Variants in SLC17A1 observed in about 807,000 individuals in gnomAD.
SLC17A1 encodes the protein sodium-dependent phosphate transport protein 1.
SLC17A1 carries 51 observed loss-of-function variants against 53.5 expected under a neutral mutation model. That is an observed-to-expected ratio of 0.95 (90% CI 0.76 to 1.20). SLC17A1 has a LOEUF of 1.20. Among genes scored for constraint, SLC17A1 ranks in the 50% most tolerant of loss-of-function variants. The probability of loss-of-function intolerance (pLI) is 0.00; values close to 1 mark genes in which losing one functional copy is unlikely to be tolerated. For missense variants in SLC17A1, 538 were observed against 568.2 expected (o/e 0.95, Z 0.54); for synonymous variants, 179 against 198.8 (o/e 0.90, Z 0.84).
chr6:25,776,667 T>C, the SLC17A1 span: 1 of 1,613,940 alleles, frequency 6.2e-7, no homozygotes, highest in Admixed American at 1.7e-5. Context: ...ACTGGCAGAC[T>C]TTCTTCTCTC....
the SLC17A1 span, among the ~76,000 whole-genome samples, chr6:25,730,981 A>G: frequency 6.6e-6 from 1 of 152,246 alleles, no homozygotes. Context: ...TAGGGAAAAA[A>G]TACATTTCTG....
chr6:25,829,065 A>G (rs1232959375), intron 2 of SLC17A1, among the ~76,000 whole-genome samples: 1 of 152,180 alleles, frequency 6.6e-6, no homozygotes, highest in African/African-American at 2.4e-5. Flanking sequence ...CTAAGAGGAA[A>G]GATGAAATAT....
chr6:25,756,403 G>A, the SLC17A1 span, among the ~76,000 whole-genome samples: 10 of 152,130 alleles, frequency 6.6e-5, no homozygotes, highest in African/African-American at 2.4e-4. Flanking sequence ...GGTTAGACTA[G>A]GCAGAGTGCT....
intron 6 of SLC17A1, 63 bp from the exon 7 acceptor site, chr6:25,813,276 T>G: frequency 7.4e-7 from 1 of 1,358,416 alleles, no homozygotes; most frequent in Admixed American, 1.7e-5. Context: ...TTTCCCAGAA[T>G]GGCATTTTTC....
the SLC17A1 span, chr6:25,726,761 T>C: frequency 1.7e-6 from 2 of 1,161,270 alleles, no homozygotes; most frequent in South Asian, 3.1e-5. Flanking sequence ...TACCGCATCT[T>C]TCATCCTCCA....
At chr6:25,802,613 G>A (rs529504776) in intron 10 of SLC17A1, among the ~76,000 whole-genome samples, 65 of 152,182 alleles carry the variant, frequency 4.3e-4, no homozygotes, top group Admixed American at 7.2e-4. Context: ...AGTTCTTCAA[G>A]GAAAGTTTTT....
chr6:25,815,428 T>G (rs935426785), intron 6 of SLC17A1, among the ~76,000 whole-genome samples: 1 of 152,114 alleles, frequency 6.6e-6, no homozygotes, highest in Non-Finnish European at 1.5e-5. Context: ...GACCCCAGTT[T>G]TTTAAGAAAA....
chr6:25,782,558 A>G (rs1763289773), downstream of SLC17A1, among the ~76,000 whole-genome samples: 1 of 152,078 alleles, frequency 6.6e-6, no homozygotes, highest in African/African-American at 2.4e-5. Context: ...CTTTAATTGT[A>G]TTTGTTTTCT....
the SLC17A1 span, among the ~76,000 whole-genome samples, chr6:25,737,175 A>G: frequency 2.6e-5 from 4 of 152,222 alleles, no homozygotes. Flanking sequence ...TCTATAGGTG[A>G]CAAGATTTGC....
At chr6:25,748,147 A>G in the SLC17A1 span, among the ~76,000 whole-genome samples, 1 of 152,196 alleles carries the variant, frequency 6.6e-6, no homozygotes, top group African/African-American at 2.4e-5. Context: ...AATCAGTACT[A>G]TGTCTATGAC....
At chr6:25,770,702 T>C in the SLC17A1 span, among the ~76,000 whole-genome samples, 1 of 152,236 alleles carries the variant, frequency 6.6e-6, no homozygotes, top group Non-Finnish European at 1.5e-5. Flanking sequence ...AAAATAATTT[T>C]ATAAGTCAGC....
intron 12 of SLC17A1, among the ~76,000 whole-genome samples, chr6:25,792,750 T>C (rs1165156): frequency 0.38 from 58,165 of 151,932 alleles, 11,988 homozygotes; most frequent in East Asian, 0.7. Context: ...CCTTGTTTCT[T>C]CTCTTTCTGC....
intron 11 of SLC17A1, 62 bp from the exon 12 acceptor site, chr6:25,798,981 T>C (rs1315534618): frequency 4.1e-6 from 6 of 1,457,104 alleles, no homozygotes; most frequent in South Asian, 3.0e-5. Flanking sequence ...TTTTGTAATG[T>C]TTAAAATGTA....
At chr6:25,803,967 T>C (rs1028476295) in intron 10 of SLC17A1, among the ~76,000 whole-genome samples, 6 of 152,184 alleles carry the variant, frequency 3.9e-5, no homozygotes, top group African/African-American at 1.4e-4. Flanking sequence ...TGTGCTGATA[T>C]TGAAATTCAA....
intron 3 of SLC17A1, among the ~76,000 whole-genome samples, chr6:25,822,078 T>A (rs1764582854): frequency 6.6e-6 from 1 of 152,168 alleles, no homozygotes; most frequent in South Asian, 2.1e-4. Context: ...TAAAAAAGAA[T>A]AATGACACAA....
rs1328164650 is a variant in SLC17A1 at position 25,819,606 on chromosome 6, G to A, written c.442-8C>T. 1 of 1,613,688 alleles carries A rather than the reference G, an allele frequency of 6.2e-7. No individual in the cohort carries two copies. Among genetic ancestry groups the A allele is most frequent in the South Asian group, 1.1e-5 (1 of 91,052 alleles). On this transcript the variant is annotated splice_region_variant and splice_polypyrimidine_tract_variant and intron_variant, in intron 4 of 12. Coordinates refer to ENST00000244527, the MANE Select transcript of SLC17A1 (RefSeq NM_005074.5). Reference sequence around the variant, plus strand: ...GGCTGTTGCAACTATCCCCTGAAATGAGAAAGGTTTGACATTTAATCTCTA... The same window carrying A: ...GGCTGTTGCAACTATCCCCTGAAATAAGAAAGGTTTGACATTTAATCTCTA...
At chr6:25,768,764 A>G in the SLC17A1 span, among the ~76,000 whole-genome samples, 48,559 of 151,980 alleles carry the variant, frequency 0.32, 9,534 homozygotes, top group South Asian at 0.45. Flanking sequence ...GTTCTGACCA[A>G]CTCCACACAT....
At chr6:25,727,043 A>G in the SLC17A1 span, 411 of 1,614,136 alleles carry the variant, frequency 2.5e-4, no homozygotes, top group Non-Finnish European at 3.2e-4. Flanking sequence ...ACATCTACAA[A>G]GTGCTAAAGC....
the SLC17A1 span, among the ~76,000 whole-genome samples, chr6:25,740,533 T>C: frequency 4.6e-5 from 7 of 152,250 alleles, no homozygotes; most frequent in Admixed American, 2.0e-4. Context: ...CAATAAAATG[T>C]AAGTTGCAAA....
Sources: gnomAD v4.1 joint callset for allele counts (sites outside exome capture counted in the v4.1 genomes callset) on GRCh38, gnomAD v4.1.1 for gene constraint, MANE v1.5 for transcripts, NCBI Gene and HGNC (gene_info 2026-07-23, HGNC 2026-07-21) for gene names.